PTPN14: variants seen among roughly 807,000 people sequenced by gnomAD.
The protein encoded by PTPN14 is protein tyrosine phosphatase non-receptor type 14.
PTPN14 carries 53 observed loss-of-function variants against 126.8 expected under a neutral mutation model. The ratio of observed to expected loss-of-function variants is 0.42; its 90% confidence interval spans 0.34 to 0.53. PTPN14 has a LOEUF of 0.53. Ranked by LOEUF, PTPN14 falls within the 20% of genes least tolerant of loss-of-function variation. The pLI is 0.08. For missense variants in PTPN14, 1,257 were observed against 1,552.9 expected (o/e 0.81, Z 3.20); for synonymous variants, 630 against 599.3 (o/e 1.05, Z -0.75).
intron 3 of PTPN14, among the ~76,000 whole-genome samples, chr1:214,450,137 T>TAAATAAATA (rs1660240597): frequency 7.3e-6 from 1 of 137,210 alleles, no homozygotes; most frequent in African/African-American, 3.3e-5. Context: ...TATCTCAAAA[T>TAAATAAATA]AAATAAATAA....
intron 1 of PTPN14, among the ~76,000 whole-genome samples, chr1:214,549,238 C>T (rs1216797663): frequency 1.3e-5 from 2 of 152,164 alleles, no homozygotes; most frequent in Non-Finnish European, 2.9e-5. Context: ...TGAAGAGACA[C>T]CCTTGAAAGG....
At chr1:214,536,446 T>C (rs1655706421) in intron 1 of PTPN14, among the ~76,000 whole-genome samples, 1 of 151,644 alleles carries the variant, frequency 6.6e-6, no homozygotes, top group African/African-American at 2.4e-5. Flanking sequence ...ATTAAGAGGA[T>C]TTATAGTATA....
chr1:214,502,451 GA>G (rs2102432775), intron 1 of PTPN14, among the ~76,000 whole-genome samples: 1 of 152,274 alleles, frequency 6.6e-6, no homozygotes, highest in African/African-American at 2.4e-5. Context: ...TGGTAAACAA[GA>G]AAAACATATG....
chr1:214,469,660 AT>A (rs60660981), intron 1 of PTPN14, among the ~76,000 whole-genome samples: 10,029 of 148,908 alleles, frequency 0.067, 347 homozygotes, highest in South Asian at 0.089. Context: ...ATTTACTGTA[AT>A]TTTTTTTTTT....
At chr1:214,403,504 C>T (rs569633502) in intron 5 of PTPN14, among the ~76,000 whole-genome samples, 139 of 152,280 alleles carry the variant, frequency 9.1e-4, no homozygotes, top group Non-Finnish European at 1.5e-3. Context: ...CTCTGTAAGG[C>T]AACAGTTGCG....
intron 1 of PTPN14, among the ~76,000 whole-genome samples, chr1:214,508,106 T>A (rs2102440156): frequency 6.7e-6 from 1 of 149,872 alleles, no homozygotes; most frequent in Non-Finnish European, 1.5e-5. Context: ...TGGCTGCTGA[T>A]CAGCATGGTG....
intron 8 of PTPN14, among the ~76,000 whole-genome samples, 177 bp downstream of exon 8, chr1:214,397,736 G>A (rs933046674): frequency 6.6e-6 from 1 of 152,142 alleles, no homozygotes; most frequent in Non-Finnish European, 1.5e-5. Context: ...GGGTTTCTAC[G>A]AAAAGTGAGA....
At chr1:214,518,286 C>T (rs960429836) in intron 1 of PTPN14, among the ~76,000 whole-genome samples, 4 of 152,204 alleles carry the variant, frequency 2.6e-5, no homozygotes, top group Non-Finnish European at 5.9e-5. Context: ...ATCCAAACCA[C>T]TACTCTCTAT....
Position 214,402,790 on chromosome 1 carries a change from C to A in PTPN14, c.581+93G>T, listed in dbSNP as rs74621568. On this transcript the variant is annotated intron_variant, in intron 6 of 18. Coordinates refer to ENST00000366956, the MANE Select transcript of PTPN14 (RefSeq NM_005401.5). ...ATAAATACAAGTGTGTTGGCTCAAG[C>A]CCAGAGTTGCTGATAGGGAGATGGA... is the stretch of plus-strand genomic sequence containing the variant. 2,017 of 1,408,034 alleles carry A rather than the reference C, an allele frequency of 1.4e-3. 27 individuals are homozygous for A. In the African/African-American group the frequency reaches 0.025, roughly 18 times the overall value. The allele number at this position is 1,408,034 out of a possible 1,614,324, so 87.2% of individuals were successfully genotyped here.
intron 3 of PTPN14, among the ~76,000 whole-genome samples, chr1:214,443,793 A>G (rs1239017718): frequency 6.6e-6 from 1 of 152,218 alleles, no homozygotes; most frequent in Non-Finnish European, 1.5e-5. Context: ...CAGGTCACAG[A>G]CCCATGAAGC....
intron 1 of PTPN14, among the ~76,000 whole-genome samples, chr1:214,527,159 G>GA (rs1655421141): frequency 6.6e-6 from 1 of 151,998 alleles, no homozygotes; most frequent in African/African-American, 2.4e-5. Context: ...GCCTTGGCAG[G>GA]AAAGCCCCCA....
intron 11 of PTPN14, among the ~76,000 whole-genome samples, chr1:214,387,731 A>G (rs1658657122): frequency 6.6e-6 from 1 of 151,924 alleles, no homozygotes; most frequent in Non-Finnish European, 1.5e-5. Flanking sequence ...ATTATAACCC[A>G]TCTCAGAAAT....
intron 1 of PTPN14, among the ~76,000 whole-genome samples, chr1:214,542,949 T>A (rs1358532420): frequency 6.6e-6 from 1 of 152,022 alleles, no homozygotes; most frequent in Admixed American, 6.6e-5. Context: ...AAAATAACGG[T>A]GAGAGCCAAG....
chr1:214,390,894 T>G, intron 11 of PTPN14, 94 bp downstream of exon 11: 1 of 1,070,178 alleles, frequency 9.3e-7, no homozygotes, highest in South Asian at 2.7e-5. Flanking sequence ...AAATTTCACC[T>G]CATCATGATG....
At chr1:214,474,248 C>A (rs190728819) in intron 1 of PTPN14, among the ~76,000 whole-genome samples, 1 of 152,280 alleles carries the variant, frequency 6.6e-6, no homozygotes, top group Admixed American at 6.5e-5. Context: ...CAGCCAAAAA[C>A]CAAGAAATGG....
intron 1 of PTPN14, among the ~76,000 whole-genome samples, chr1:214,546,746 G>T (rs17023177): frequency 0.052 from 7,942 of 152,088 alleles, 728 homozygotes; most frequent in African/African-American, 0.18. Context: ...AGTAGTCCTC[G>T]GGGTCAAACT....
chr1:214,468,716 C>T (rs192122462), intron 1 of PTPN14, among the ~76,000 whole-genome samples: 8 of 152,122 alleles, frequency 5.3e-5, no homozygotes, highest in African/African-American at 1.9e-4. Flanking sequence ...TTTCTATATA[C>T]CTAAAAGTTT....
At position 214,376,537 on chromosome 1, in the gene PTPN14, G is replaced by A. The variant is rs867352409; in HGVS notation, c.2689-100C>T. 1.7e-5 allele frequency: 17 copies of A among 1,002,880 alleles called. 1 individual carries two copies. In the Middle Eastern group the frequency reaches 3.7e-3, roughly 219 times the overall value. 62.1% of individuals were successfully genotyped at this position (1,002,880 alleles called of 1,614,324 possible). On this transcript the variant is annotated intron_variant, in intron 14 of 18. Coordinates refer to ENST00000366956, the MANE Select transcript of PTPN14 (RefSeq NM_005401.5). ...AATATTTAGCGATTGTGTTAAAAGAGATTTCAAGTTCTACAATCAATGCTT... is the reference window on the plus strand; with the variant it reads ...AATATTTAGCGATTGTGTTAAAAGAAATTTCAAGTTCTACAATCAATGCTT...
rs1234844390 is a variant in PTPN14 at position 214,464,487 on chromosome 1, G to A, written c.174+143C>T. 4 of 1,099,354 alleles carry A rather than the reference G, an allele frequency of 3.6e-6. No individual in the cohort carries two copies. In the African/African-American group the frequency reaches 6.3e-5, roughly 17 times the overall value. 68.1% of individuals were successfully genotyped at this position (1,099,354 alleles called of 1,614,324 possible). Reference sequence around the variant, plus strand: ...GATCACAGCCGTGCTAAGAATAACAGGATTCTTATAAACACATCGTCGCTT... The same window carrying A: ...GATCACAGCCGTGCTAAGAATAACAAGATTCTTATAAACACATCGTCGCTT... On this transcript the variant is annotated intron_variant, in intron 2 of 18. Coordinates refer to ENST00000366956, the MANE Select transcript of PTPN14 (RefSeq NM_005401.5).
Sources: gnomAD v4.1 joint callset for allele counts (sites outside exome capture counted in the v4.1 genomes callset) on GRCh38, gnomAD v4.1.1 for gene constraint, MANE v1.5 for transcripts, NCBI Gene and HGNC (gene_info 2026-07-23, HGNC 2026-07-21) for gene names.